Variants in OXSR1 observed in about 807,000 individuals in gnomAD.
OXSR1 encodes the protein oxidative stress responsive kinase 1.
Under a neutral mutation model 79.8 loss-of-function variants are expected in OXSR1, and 24 were observed. The observed-to-expected ratio is 0.30, with a 90% CI of 0.22 to 0.42. OXSR1 has a LOEUF of 0.42. Among genes scored for constraint, OXSR1 ranks in the 10% least tolerant of loss-of-function variants. OXSR1 has a pLI of 1.00. For synonymous variants in OXSR1, 226 were observed against 209.2 expected, an observed-to-expected ratio of 1.08 and a Z score of -0.69; for missense variants, 430 against 618.4, an observed-to-expected ratio of 0.70 and a Z score of 3.23.
At chr3:38,209,339 C>T (rs1043012692) in intron 4 of OXSR1, among the ~76,000 whole-genome samples, 1 of 151,862 alleles carries the variant, frequency 6.6e-6, no homozygotes, top group African/African-American at 2.4e-5. Context: ...CTGCCTCAGA[C>T]TCCCAAATAG....
intron 11 of OXSR1, among the ~76,000 whole-genome samples, chr3:38,238,936 G>A (rs552222743): frequency 2.0e-5 from 3 of 152,046 alleles, no homozygotes; most frequent in South Asian, 4.2e-4. Flanking sequence ...TAGGCAGCTC[G>A]AAGTTGTCTC....
At chr3:38,233,609 TTTAGAGA>T (rs1702856109) in intron 10 of OXSR1, among the ~76,000 whole-genome samples, 2 of 152,238 alleles carry the variant, frequency 1.3e-5, no homozygotes, top group Non-Finnish European at 2.9e-5. Context: ...CATGACTGTC[TTTAGAGA>T]TAAGAGTTTA....
At chr3:38,185,789 T>C (rs966679002) in intron 2 of OXSR1, among the ~76,000 whole-genome samples, 16 of 150,260 alleles carry the variant, frequency 1.1e-4, no homozygotes, top group Admixed American at 4.0e-4. Flanking sequence ...AAATGAAAAA[T>C]AAAAAATTAG....
chr3:38,210,408 T>G (rs1213331887), intron 4 of OXSR1, among the ~76,000 whole-genome samples: 1 of 152,202 alleles, frequency 6.6e-6, no homozygotes, highest in Admixed American at 6.5e-5. Flanking sequence ...GGTTTTTGTT[T>G]AGGAGAATAG....
At chr3:38,196,529 T>TA (rs1702075679) in intron 3 of OXSR1, among the ~76,000 whole-genome samples, 2 of 152,202 alleles carry the variant, frequency 1.3e-5, no homozygotes, top group African/African-American at 4.8e-5. Flanking sequence ...GATAAATTGT[T>TA]ATGCCAAAGA....
At chr3:38,247,636 G>T (rs774744550) in intron 13 of OXSR1, 32 bp from the exon 14 acceptor site, 3 of 1,534,036 alleles carry the variant, frequency 2.0e-6, no homozygotes, top group African/African-American at 2.7e-5. Context: ...AATGTTTCAG[G>T]CAATGACTGT....
At chr3:38,221,532 G>T in intron 5 of OXSR1, 46 bp from the exon 6 acceptor site, 1 of 970,016 alleles carries the variant, frequency 1.0e-6, no homozygotes, top group South Asian at 1.3e-5. Flanking sequence ...ATTCATTTAT[G>T]ATAGTTGATG....
chr3:38,247,838 G>T, intron 14 of OXSR1, 106 bp downstream of exon 14: 1 of 653,084 alleles, frequency 1.5e-6, no homozygotes, highest in Admixed American at 2.5e-5. Flanking sequence ...ATGTCCTCCA[G>T]CATCAAGCTC....
At chr3:38,181,630 G>A (rs1217096007) in intron 1 of OXSR1, among the ~76,000 whole-genome samples, 6 of 152,226 alleles carry the variant, frequency 3.9e-5, no homozygotes, top group Middle Eastern at 3.4e-3. Context: ...GATTACAGGC[G>A]TGAGCCACCA....
intron 17 of OXSR1, 31 bp downstream of exon 17, chr3:38,252,423 CT>C (rs1703277018): frequency 2.7e-6 from 4 of 1,486,602 alleles, no homozygotes; most frequent in African/African-American, 2.8e-5. Flanking sequence ...GTGAAAACAT[CT>C]TGCCTTTTAT....
chr3:38,251,669 A>G (rs1301688579), intron 16 of OXSR1, among the ~76,000 whole-genome samples, 198 bp downstream of exon 16: 1 of 152,214 alleles, frequency 6.6e-6, no homozygotes, highest in Non-Finnish European at 1.5e-5. Flanking sequence ...TGTGACCTCC[A>G]ATGATGGTAA....
In OXSR1 at chr3:38,242,609, G is replaced by A; in HGVS notation, c.1075-134G>A. 3 of 488,546 alleles carry A rather than the reference G, an allele frequency of 6.1e-6. No homozygotes were observed. In the South Asian group the frequency reaches 1.3e-4, roughly 21 times the overall value. The allele number at this position is 488,546 out of a possible 1,614,324, so 30.3% of individuals were successfully genotyped here. A position where few individuals can be genotyped will look rare whatever the true frequency, so the allele number is the denominator to read the frequency against. On this transcript the variant is annotated intron_variant, in intron 11 of 17. Transcript: ENST00000311806. ...TATTTTTTCCAGAAAACTTTCAGTAGACTTGCTGGTGAGTTAATATATGGA... is the reference window on the plus strand; with the variant it reads ...TATTTTTTCCAGAAAACTTTCAGTAAACTTGCTGGTGAGTTAATATATGGA...
At chr3:38,229,841 G>A in intron 9 of OXSR1, 106 bp downstream of exon 9, 1 of 857,486 alleles carries the variant, frequency 1.2e-6, no homozygotes, top group Admixed American at 2.1e-5. Context: ...GAAAAATGAT[G>A]GTAGATAAAA....
In OXSR1 at chr3:38,218,445, A is replaced by C. The variant is rs532237153; in HGVS notation, c.490+2294A>C. 3.0e-4 allele frequency among the ~76,000 whole-genome samples: 45 copies of C among 152,206 alleles called. No individual in the cohort carries two copies. The South Asian group carries it at 7.0e-3, about 24-fold the overall frequency. On this transcript the variant is annotated intron_variant, in intron 5 of 17. Transcript: ENST00000311806. ...ATGGTGAACATCTTTTCATGTGCTT[A>C]TTGGCCATTTGTATATCTTCTTTGG...
intron 4 of OXSR1, among the ~76,000 whole-genome samples, chr3:38,210,501 G>A (rs547981836): frequency 6.6e-6 from 1 of 152,132 alleles, no homozygotes; most frequent in South Asian, 2.1e-4. Context: ...TCTATACCCC[G>A]AGAATCTCAT....
intron 1 of OXSR1, among the ~76,000 whole-genome samples, chr3:38,177,972 A>G (rs912565343): frequency 2.0e-5 from 3 of 152,066 alleles, no homozygotes; most frequent in African/African-American, 7.2e-5. Context: ...TTTTTGAGAC[A>G]GAGCCTTGTT....
At chr3:38,173,101 C>T (rs1311995328) in intron 1 of OXSR1, among the ~76,000 whole-genome samples, 2 of 152,168 alleles carry the variant, frequency 1.3e-5, no homozygotes, top group Non-Finnish European at 2.9e-5. Flanking sequence ...GTGACTTCCA[C>T]TTCTATTTTA....
intron 10 of OXSR1, 99 bp downstream of exon 10, chr3:38,230,529 ACTGGTTTT>A (rs769243781): frequency 1.2e-6 from 1 of 800,746 alleles, no homozygotes; most frequent in Non-Finnish European, 2.1e-6. Flanking sequence ...TATGAGAATT[ACTGGTTTT>A]CTGTCGATCC....
chr3:38,166,086 C>G, intron 1 of OXSR1, 140 bp downstream of exon 1: 4 of 732,746 alleles, frequency 5.5e-6, no homozygotes, highest in Non-Finnish European at 9.1e-6. Flanking sequence ...GCTTGTAGGA[C>G]GCTTGTGTCG....
Sources: gnomAD v4.1 joint callset for allele counts (sites outside exome capture counted in the v4.1 genomes callset) on GRCh38, gnomAD v4.1.1 for gene constraint, MANE v1.5 for transcripts, NCBI Gene and HGNC (gene_info 2026-07-23, HGNC 2026-07-21) for gene names.